The following EFCAB5 variants were observed in gnomAD, a reference collection of about 807,000 sequenced individuals.
The protein encoded by EFCAB5 is EF-hand calcium-binding domain-containing protein 5.
EFCAB5 carries 131 observed loss-of-function variants against 167.9 expected under a neutral mutation model. That is an observed-to-expected ratio of 0.78 (90% CI 0.68 to 0.90). The LOEUF (loss-of-function observed/expected upper bound fraction) is 0.90, where lower values mean the gene tolerates loss of function less well. EFCAB5 is among the 40% of genes least tolerant of loss of function. The pLI is 0.00. For synonymous variants in EFCAB5, 574 were observed against 602.8 expected, an observed-to-expected ratio of 0.95 and a Z score of 0.70; for missense variants, 1,663 against 1,745.2, an observed-to-expected ratio of 0.95 and a Z score of 0.84.
chr17:30,027,989 A>G (rs556642858), intron 7 of EFCAB5, among the ~76,000 whole-genome samples: 8 of 152,360 alleles, frequency 5.3e-5, no homozygotes, highest in Admixed American at 3.9e-4. Flanking sequence ...AAGAATAATT[A>G]TATGCAAAAC....
chr17:29,935,132 A>G (rs1456092796), intron 1 of EFCAB5, among the ~76,000 whole-genome samples: 1 of 152,224 alleles, frequency 6.6e-6, no homozygotes. Flanking sequence ...GCACAGATAT[A>G]TAAGAGCTGA....
At chr17:30,014,614 G>A (rs1194212719) in intron 7 of EFCAB5, among the ~76,000 whole-genome samples, 2 of 152,018 alleles carry the variant, frequency 1.3e-5, no homozygotes, top group African/African-American at 2.4e-5. Flanking sequence ...CAGAAAGTAG[G>A]ATTGCAACCC....
chr17:29,940,851 C>T (rs147555624), upstream of EFCAB5, among the ~76,000 whole-genome samples: 814 of 151,958 alleles, frequency 5.4e-3, 7 homozygotes, highest in African/African-American at 0.019. Context: ...ACCAGCCTGG[C>T]CAACATGGTG....
rs573613370 is a variant in EFCAB5, at chr17:30,020,509, C to T, written c.1045-13721C>T. ...CCTCCCGAGTAGCTGGGATTACAGG[C>T]GTGTGCCACCATGCACAGCTAATTT... On this transcript the variant is annotated intron_variant, in intron 7 of 22. Transcript: ENST00000394835. Among the ~76,000 whole-genome samples the T allele has an allele frequency of 1.2e-3, 185 of 151,968 alleles. 2 individuals carry two copies. Among genetic ancestry groups the T allele is most frequent in the African/African-American group, 4.3e-3 (179 of 41,462 alleles).
chr17:29,982,663 G>A (rs529366300), intron 4 of EFCAB5, among the ~76,000 whole-genome samples: 1 of 152,282 alleles, frequency 6.6e-6, no homozygotes, highest in Admixed American at 6.5e-5. Context: ...ATTAAAACAA[G>A]TCCCAGTTTT....
chr17:30,078,415 A>C lies in EFCAB5; in HGVS notation c.2938A>C (p.Lys980Gln). Residue 980 changes from lysine (K) to glutamine (Q), a missense_variant, in exon 15 of 23, where the codon AAA becomes CAA. Lys to Gln is a moderately conservative substitution (Grantham distance 53). Coordinates refer to ENST00000394835, the MANE Select transcript of EFCAB5 (RefSeq NM_198529.4). ...GAGTCTGAGGAATTCTGCCAGGCGG[A>C]AATGGCTGCACCAAATCCAATGTGC... is the stretch of plus-strand genomic sequence containing the variant. The part of the protein sequence containing the change: ...IESLRNSARR[K>Q]WLHQIQCAAE... 1 of 1,613,964 alleles carries C rather than the reference A, an allele frequency of 6.2e-7. No individual in the cohort carries two copies. The highest frequency in any genetic ancestry group is 8.5e-7 in the Non-Finnish European group (1 of 1,179,862).
At chr17:30,022,760 C>T (rs2069212495) in intron 7 of EFCAB5, among the ~76,000 whole-genome samples, 1 of 151,972 alleles carries the variant, frequency 6.6e-6, no homozygotes, top group African/African-American at 2.4e-5. Flanking sequence ...TGTTTTAGGA[C>T]TATATCAGGT....
intron 3 of EFCAB5, among the ~76,000 whole-genome samples, chr17:29,966,594 A>T (rs981837777): frequency 6.6e-6 from 1 of 152,200 alleles, no homozygotes. Flanking sequence ...TATGGTGTCA[A>T]CATGATGTGT....
intron 8 of EFCAB5, among the ~76,000 whole-genome samples, chr17:30,046,607 T>C (rs1182273359): frequency 2.0e-5 from 3 of 152,154 alleles, no homozygotes; most frequent in Non-Finnish European, 2.9e-5. Flanking sequence ...AGTTAGCACA[T>C]TGGAAAATAG....
At chr17:29,980,170 A>C (rs183103719) in intron 4 of EFCAB5, among the ~76,000 whole-genome samples, 178 of 152,336 alleles carry the variant, frequency 1.2e-3, no homozygotes, top group African/African-American at 4.2e-3. Flanking sequence ...ACTCCGTCTC[A>C]AAAACAAACA....
chr17:29,930,324 G>A (rs889838720), intron 1 of EFCAB5: 4 of 370,406 alleles, frequency 1.1e-5, no homozygotes, highest in Admixed American at 4.5e-5. Context: ...GCCGGAAGCT[G>A]GCCGAGTGCG....
intron 22 of EFCAB5, among the ~76,000 whole-genome samples, chr17:30,107,558 A>C (rs1455203241): frequency 1.3e-5 from 2 of 152,238 alleles, no homozygotes; most frequent in African/African-American, 4.8e-5. Context: ...CCAAAAGTAC[A>C]CATTATTCTA....
At chr17:30,013,149 A>G (rs1364177925) in intron 7 of EFCAB5, among the ~76,000 whole-genome samples, 1 of 152,078 alleles carries the variant, frequency 6.6e-6, no homozygotes, top group Non-Finnish European at 1.5e-5. Context: ...CCAGGGATGA[A>G]GCCAACTTGA....
chr17:30,039,650 G>A (rs1407772165), intron 8 of EFCAB5, among the ~76,000 whole-genome samples: 1 of 152,200 alleles, frequency 6.6e-6, no homozygotes, highest in Non-Finnish European at 1.5e-5. Flanking sequence ...GAGGAGGGAT[G>A]TGCCGACTTA....
At chr17:30,027,143 G>C (rs972176973) in intron 7 of EFCAB5, among the ~76,000 whole-genome samples, 1 of 150,374 alleles carries the variant, frequency 6.7e-6, no homozygotes, top group Non-Finnish European at 1.5e-5. Context: ...CTTGCCACCA[G>C]GCCTGGCTAA....
chr17:29,994,302 A>G (rs2068499340), intron 5 of EFCAB5, among the ~76,000 whole-genome samples: 1 of 151,352 alleles, frequency 6.6e-6, no homozygotes, highest in Admixed American at 6.6e-5. Context: ...GACTAAGAAG[A>G]ACTTGGATAT....
In EFCAB5 at chr17:29,992,372, G is replaced by C. The variant is rs563307728; in HGVS notation, c.768-793G>C. On this transcript the variant is annotated intron_variant, in intron 4 of 22. Transcript: ENST00000394835. Reference sequence around the variant, plus strand: ...TATTTATTACTTATTTTTTGAGACAGAGTTTCACTCTGTCACCCAGGCTGG... The same window carrying C: ...TATTTATTACTTATTTTTTGAGACACAGTTTCACTCTGTCACCCAGGCTGG... Among the ~76,000 whole-genome samples, 3 of 152,194 alleles carry C rather than the reference G, an allele frequency of 2.0e-5. No homozygotes were observed. In the South Asian group the frequency reaches 6.2e-4, roughly 31 times the overall value.
chr17:30,010,706 CCCTTTGT>C (rs1194548920), intron 7 of EFCAB5, among the ~76,000 whole-genome samples: 4 of 152,112 alleles, frequency 2.6e-5, no homozygotes, highest in Non-Finnish European at 5.9e-5. Flanking sequence ...TGGATGTTAG[CCCTTTGT>C]CAGATGGGTA....
At chr17:30,068,731 C>G (rs1483393404) in intron 14 of EFCAB5, 1 of 1,481,250 alleles carries the variant, frequency 6.8e-7, no homozygotes, top group Non-Finnish European at 9.4e-7. Flanking sequence ...CGATGGCAGC[C>G]GGGATGAGCT....
Sources: allele counts gnomAD v4.1 joint callset (sites outside exome capture counted in the v4.1 genomes callset), GRCh38; gene constraint gnomAD v4.1.1; transcripts MANE v1.5; gene names NCBI Gene and HGNC (gene_info 2026-07-23, HGNC 2026-07-21).